KDM5B: variants seen among roughly 807,000 people sequenced by gnomAD.
KDM5B encodes lysine-specific demethylase 5B.
Under a neutral mutation model 193.4 loss-of-function variants are expected in KDM5B, and 144 were observed. The ratio of observed to expected loss-of-function variants is 0.74; its 90% CI spans 0.65 to 0.86. The LOEUF is 0.86. Among genes scored for constraint, KDM5B ranks in the 40% least tolerant of loss-of-function variants. KDM5B has a pLI of 0.00. For synonymous variants in KDM5B, 668 were observed against 682.6 expected (o/e 0.98, Z 0.33); for missense variants, 1,833 against 1,886.9 (o/e 0.97, Z 0.53).
At chr1:202,736,472 G>T in intron 20 of KDM5B, 80 bp from the exon 21 acceptor site, 1 of 1,114,542 alleles carries the variant, frequency 9.0e-7, no homozygotes, top group Non-Finnish European at 1.2e-6. Flanking sequence ...ATTCAGATTG[G>T]TCCATTGAGT....
chr1:202,749,904 G>C (rs1655724943), intron 13 of KDM5B, among the ~76,000 whole-genome samples: 1 of 152,128 alleles, frequency 6.6e-6, no homozygotes, highest in African/African-American at 2.4e-5. Context: ...ACTTAATCTA[G>C]AACTTTTTAG....
intron 7 of KDM5B, 91 bp from the exon 8 acceptor site, chr1:202,760,664 A>G: frequency 2.3e-6 from 2 of 877,952 alleles, no homozygotes; most frequent in Non-Finnish European, 3.4e-6. Flanking sequence ...CTGAGACATA[A>G]TCTAGTCTCT....
intron 3 of KDM5B, 110 bp downstream of exon 3, chr1:202,774,503 C>G (rs1431194292): frequency 1.1e-6 from 1 of 950,558 alleles, no homozygotes; most frequent in Non-Finnish European, 1.6e-6. Flanking sequence ...GCTGAGATTA[C>G]AGGTGCGAGC....
At chr1:202,793,300 T>C (rs1049382803) in intron 1 of KDM5B, among the ~76,000 whole-genome samples, 13 of 152,206 alleles carry the variant, frequency 8.5e-5, no homozygotes, top group South Asian at 2.1e-4. Flanking sequence ...AAAGTATATA[T>C]GCAAAAATAA....
Position 202,777,109 on chromosome 1 carries a change from A to C in KDM5B, c.205-15T>G, listed in dbSNP as rs781540494. On this transcript the variant is annotated splice_polypyrimidine_tract_variant and intron_variant, in intron 1 of 26. Coordinates refer to ENST00000367265, the MANE Select transcript of KDM5B (RefSeq NM_006618.5). Reference sequence around the variant, plus strand: ...GGCTGCCAATCCTAGGAGAAAGCAAAGGCTCTTATTAGAATAACTTATAAG... The same window carrying C: ...GGCTGCCAATCCTAGGAGAAAGCAACGGCTCTTATTAGAATAACTTATAAG... The C allele has an allele frequency of 2.5e-6, 4 of 1,598,850 alleles. No homozygotes were observed. The East Asian group carries it at 8.9e-5, about 36-fold the overall frequency.
At chr1:202,794,979 G>A (rs1323178643) in intron 1 of KDM5B, among the ~76,000 whole-genome samples, 1 of 152,116 alleles carries the variant, frequency 6.6e-6, no homozygotes, top group African/African-American at 2.4e-5. Context: ...TTGGAAGGCT[G>A]AGGCGGGCAG....
chr1:202,737,343 C>T (rs1284872074), intron 20 of KDM5B, among the ~76,000 whole-genome samples: 1 of 152,174 alleles, frequency 6.6e-6, no homozygotes, highest in Non-Finnish European at 1.5e-5. Flanking sequence ...GAGGAAGGTC[C>T]ATAAATTTGC....
chr1:202,725,921 T>C lies in KDM5B; in HGVS notation c.*3115A>G, dbSNP rs986833552. Reference sequence around the variant, plus strand: ...TGGGTACTAAATACCAATCAATACCTGCTCCAAGCCAGAAGCAGGTCTTAA... The same window carrying C: ...TGGGTACTAAATACCAATCAATACCCGCTCCAAGCCAGAAGCAGGTCTTAA... On this transcript the variant is annotated 3_prime_UTR_variant, in exon 27 of 27. Transcript: ENST00000367265. 2 of 152,214 alleles carry C rather than the reference T, an allele frequency of 1.3e-5. No homozygotes were observed. Among genetic ancestry groups the C allele is most frequent in the Non-Finnish European group, 2.9e-5 (2 of 68,042 alleles). The allele number at this position is 152,214 out of a possible 1,614,324, so 9.4% of individuals were successfully genotyped here. A position where few individuals can be genotyped will look rare whatever the true frequency, so the allele number is the denominator to read the frequency against.
In KDM5B at chr1:202,808,268, G is replaced by T. The variant is rs1004306886; in HGVS notation, c.38C>A (p.Pro13Gln). 6.2e-7 allele frequency: 1 copy of T among 1,608,946 alleles called. No homozygotes were observed. Among genetic ancestry groups the T allele is most frequent in the Middle Eastern group, 1.9e-4 (1 of 5,266 alleles). ...AATTLHPGPR[P>Q]ALPLGGPGPL... ...GCCCGGGCCCCCGAGGGGCAGCGCCGGGCGCGGGCCTGGGTGCAGTGTGGT... is the reference window on the plus strand; with the variant it reads ...GCCCGGGCCCCCGAGGGGCAGCGCCTGGCGCGGGCCTGGGTGCAGTGTGGT... The change falls in exon 1 of 27, where the codon CCG (proline) becomes CAG (glutamine). Residue 13 changes from proline to glutamine, a missense_variant. By Grantham distance (76) the Pro-to-Gln change is moderately conservative. Coordinates refer to ENST00000367265, the MANE Select transcript of KDM5B (RefSeq NM_006618.5).
intron 4 of KDM5B, 132 bp from the exon 5 acceptor site, chr1:202,767,192 CT>C: frequency 6.5e-7 from 1 of 1,549,364 alleles, no homozygotes; most frequent in Non-Finnish European, 8.9e-7. Context: ...TCTTAAAATA[CT>C]CTTCATATCT....
In KDM5B at chr1:202,736,193, T is replaced by C. The variant is rs1467824121; in HGVS notation, c.3264+20A>G. On this transcript the variant is annotated intron_variant, in intron 21 of 26. Transcript: ENST00000367265. ...ACTAGGAGATCTAAGGTCTTGCAGA[T>C]GAGCTGGTTGTAAACTTACCTCTAA... 1.3e-6 allele frequency: 2 copies of C among 1,509,004 alleles called. No homozygotes were observed. The highest frequency in any genetic ancestry group is 1.3e-5 in the South Asian group (1 of 76,626). The allele number at this position is 1,509,004 out of a possible 1,614,324, so 93.5% of individuals were successfully genotyped here.
At chr1:202,786,422 T>C (rs1036601658) in intron 1 of KDM5B, among the ~76,000 whole-genome samples, 4 of 151,918 alleles carry the variant, frequency 2.6e-5, no homozygotes, top group Admixed American at 6.6e-5. Context: ...ACACTGAGAG[T>C]AGATCTGCTG....
chr1:202,740,917 A>G, intron 19 of KDM5B, 105 bp from the exon 20 acceptor site: 1 of 1,170,662 alleles, frequency 8.5e-7, no homozygotes, highest in Non-Finnish European at 1.2e-6. Flanking sequence ...TATGGCAAAT[A>G]ATTTTTTTCA....
Position 202,755,264 on chromosome 1 carries a change from T to G in KDM5B, c.1538+7A>C. 2 of 1,613,036 alleles carry G rather than the reference T, an allele frequency of 1.2e-6. No individual in the cohort carries two copies. Among genetic ancestry groups the G allele is most frequent in the Non-Finnish European group, 1.7e-6 (2 of 1,179,044 alleles). ...ACTACTCATGGGTTCTTTTTGGAAC[T>G]TCTCACCAGTGCAAGTAGTTAATTG... On this transcript the variant is annotated splice_region_variant and intron_variant, in intron 11 of 26. Coordinates refer to ENST00000367265, the MANE Select transcript of KDM5B (RefSeq NM_006618.5).
chr1:202,806,565 G>A (rs1316092564), intron 1 of KDM5B: 1 of 151,984 alleles, frequency 6.6e-6, no homozygotes, highest in Non-Finnish European at 1.5e-5. Flanking sequence ...CCTCATATTC[G>A]CTGGCCAGTT....
At chr1:202,733,336 G>A in intron 23 of KDM5B, 65 bp downstream of exon 23, 1 of 1,546,840 alleles carries the variant, frequency 6.5e-7, no homozygotes, top group Non-Finnish European at 8.8e-7. Flanking sequence ...CAAAGCTACA[G>A]GTTCGAGAGA....
Position 202,764,033 on chromosome 1 carries a change from T to G in KDM5B, c.808+16A>C. On this transcript the variant is annotated intron_variant, in intron 6 of 26. Coordinates refer to ENST00000367265, the MANE Select transcript of KDM5B (RefSeq NM_006618.5). ...TATTTACTTTTTCTTTCCTATTCAT[T>G]GACAAATTTTCTTACCATTTTCACA... is the stretch of plus-strand genomic sequence containing the variant. 1 of 1,354,904 alleles carries G rather than the reference T, an allele frequency of 7.4e-7. No individual in the cohort carries two copies. The highest frequency in any genetic ancestry group is 1.0e-6 in the Non-Finnish European group (1 of 961,142). 83.9% of individuals were successfully genotyped at this position (1,354,904 alleles called of 1,614,324 possible).
rs547364411 is a variant in KDM5B at position 202,770,561 on chromosome 1, C to T, written c.576+2557G>A. 7.9e-5 allele frequency among the ~76,000 whole-genome samples: 12 copies of T among 152,166 alleles called. No individual in the cohort carries two copies. In the South Asian group the frequency reaches 1.7e-3, roughly 21 times the overall value. ...TATTATAATAAAAAACTAGAACTGA[C>T]CTAAACATTCTACAATAGAAGACAT... On this transcript the variant is annotated intron_variant, in intron 4 of 26. Transcript: ENST00000367265.
chr1:202,800,046 TTTTG>T (rs1463639293), intron 1 of KDM5B, among the ~76,000 whole-genome samples: 2 of 152,188 alleles, frequency 1.3e-5, no homozygotes, highest in Non-Finnish European at 2.9e-5. Flanking sequence ...GGGACTTTTG[TTTTG>T]TTTTTGTTTT....
Sources: allele counts gnomAD v4.1 joint callset (sites outside exome capture counted in the v4.1 genomes callset), GRCh38; gene constraint gnomAD v4.1.1; transcripts MANE v1.5; gene names NCBI Gene and HGNC (gene_info 2026-07-23, HGNC 2026-07-21).